The following SLC4A8 variants were observed in gnomAD, a reference collection of about 807,000 sequenced individuals.
SLC4A8 encodes the protein solute carrier family 4 member 8.
In SLC4A8, 40 loss-of-function variants were observed where a neutral mutation model predicts 125.0. That is an observed-to-expected ratio of 0.32 (90% CI 0.25 to 0.42). The LOEUF is 0.42. SLC4A8 is among the 10% of genes least tolerant of loss of function. The pLI is 1.00. For missense variants in SLC4A8, 863 were observed against 1,355.1 expected (o/e 0.64, Z 5.70); for synonymous variants, 456 against 476.0 (o/e 0.96, Z 0.55).
intron 3 of SLC4A8, among the ~76,000 whole-genome samples, chr12:51,451,872 C>A (rs1340292381): frequency 2.6e-5 from 4 of 151,822 alleles, no homozygotes; most frequent in Non-Finnish European, 5.9e-5. Context: ...AGAGAATTAG[C>A]CAATCTTTTT....
At chr12:51,504,230 A>C in intron 23 of SLC4A8, 110 bp downstream of exon 23, 1 of 701,454 alleles carries the variant, frequency 1.4e-6, no homozygotes. Flanking sequence ...AGAGCTAAAT[A>C]TTCAGCCTCC....
chr12:51,463,415 G>A lies in SLC4A8; in HGVS notation c.1249-199G>A, dbSNP rs1489903291. ...AACAGGAAGAGAAATTATGGGGTGT[G>A]TGTGTGTGTGTGTGTGTGTGTGTGT... On this transcript the variant is annotated intron_variant, in intron 10 of 24. Transcript: ENST00000453097. Among the ~76,000 whole-genome samples the A allele has an allele frequency of 1.3e-4, 8 of 60,404 alleles. No homozygotes were observed. The East Asian group carries it at 2.9e-3, about 22-fold the overall frequency. The allele number at this position is 60,404 out of a possible 152,430, so 39.6% of individuals were successfully genotyped here. A position where few individuals can be genotyped will look rare whatever the true frequency, so the allele number is the denominator to read the frequency against.
chr12:51,428,217 T>G (rs1227688737), intron 1 of SLC4A8, among the ~76,000 whole-genome samples: 1 of 152,200 alleles, frequency 6.6e-6, no homozygotes, highest in African/African-American at 2.4e-5. Context: ...GTCACTCTCT[T>G]TAAGATGGTC....
chr12:51,484,090 C>T (rs1165792972), intron 16 of SLC4A8, among the ~76,000 whole-genome samples: 6 of 152,108 alleles, frequency 3.9e-5, no homozygotes, highest in Non-Finnish European at 1.5e-5. Context: ...ATCAGCCAGG[C>T]ACATTTTCAA....
At chr12:51,457,687 A>G in intron 6 of SLC4A8, 148 bp downstream of exon 6, 1 of 704,790 alleles carries the variant, frequency 1.4e-6, no homozygotes, top group South Asian at 1.9e-5. Context: ...GACTGGTAAG[A>G]TTGGTGGCTG....
At chr12:51,439,987 T>G (rs1592185848) in intron 1 of SLC4A8, among the ~76,000 whole-genome samples, 1 of 152,276 alleles carries the variant, frequency 6.6e-6, no homozygotes, top group South Asian at 2.1e-4. Flanking sequence ...TTGTAAGTCT[T>G]AAGTGAGGAA....
At position 51,452,134 on chromosome 12, in the gene SLC4A8, T is replaced by G. The variant is rs1430790697; in HGVS notation, c.288T>G (p.Ser96=). The G allele has an allele frequency of 6.2e-7, 1 of 1,614,162 alleles. No homozygotes were observed. ...GLEALAHDTP[S]QRVQFILGTE... ...TGGTTGATTTCCTAGACACACCATCTCAGCGTGTTCAGTTCATTCTTGGCA... is the reference window on the plus strand; with the variant it reads ...TGGTTGATTTCCTAGACACACCATCGCAGCGTGTTCAGTTCATTCTTGGCA... The change falls in exon 4 of 25, where the codon TCT becomes TCG. Residue 96 remains serine (S), a synonymous_variant. Transcript: ENST00000453097.
At chr12:51,415,985 C>A (rs1948677610) in intron 1 of SLC4A8, among the ~76,000 whole-genome samples, 1 of 151,822 alleles carries the variant, frequency 6.6e-6, no homozygotes, top group Non-Finnish European at 1.5e-5. Context: ...ATCACTATTA[C>A]CAAAAGGTAA....
chr12:51,406,234 C>CA (rs1948485199), intron 1 of SLC4A8, among the ~76,000 whole-genome samples: 1 of 152,162 alleles, frequency 6.6e-6, no homozygotes, highest in South Asian at 2.1e-4. Context: ...TGAGGGAGAT[C>CA]ACCAACTGCA....
intron 16 of SLC4A8, among the ~76,000 whole-genome samples, chr12:51,478,975 CT>C: frequency 6.6e-6 from 1 of 152,340 alleles, no homozygotes; most frequent in African/African-American, 2.4e-5. Flanking sequence ...CACCTGCCAT[CT>C]CTTTCCAATT....
rs564732918 is a variant in SLC4A8 at position 51,475,279 on chromosome 12, T to C, written c.2172+73T>C. 2.5e-5 allele frequency: 37 copies of C among 1,472,162 alleles called. No individual in the cohort carries two copies. In the East Asian group the frequency reaches 5.4e-4, roughly 22 times the overall value. The allele number at this position is 1,472,162 out of a possible 1,614,324, so 91.2% of individuals were successfully genotyped here. On this transcript the variant is annotated intron_variant, in intron 16 of 24. Coordinates refer to ENST00000453097, the MANE Select transcript of SLC4A8 (RefSeq NM_001039960.3). ...CAGAACCTTTTCTCAGCCTTCATGC[T>C]GCTTATGGGGTTGATTGGCCAGGTG... is the stretch of plus-strand genomic sequence containing the variant.
At chr12:51,432,999 C>T (rs1451591247) in intron 1 of SLC4A8, among the ~76,000 whole-genome samples, 1 of 152,148 alleles carries the variant, frequency 6.6e-6, no homozygotes, top group Non-Finnish European at 1.5e-5. Context: ...CAGAGAGGAG[C>T]CTCAGGGGAA....
chr12:51,442,063 A>G (rs1393233457), intron 2 of SLC4A8, among the ~76,000 whole-genome samples: 1 of 152,176 alleles, frequency 6.6e-6, no homozygotes, highest in African/African-American at 2.4e-5. Context: ...TGTCCTTTTC[A>G]TCTTCATAGC....
Position 51,514,822 on chromosome 12 carries a change from A to G in SLC4A8, c.*7384A>G, listed in dbSNP as rs1938477867. 1 of 152,196 alleles carries G rather than the reference A, an allele frequency of 6.6e-6. No individual in the cohort carries two copies. The highest frequency in any genetic ancestry group is 6.5e-5 in the Admixed American group (1 of 15,282). The allele number at this position is 152,196 out of a possible 1,614,324, so 9.4% of individuals were successfully genotyped here. A position where few individuals can be genotyped will look rare whatever the true frequency, so the allele number is the denominator to read the frequency against. ...TAACCAAAAGAGATGTAAAGGAAGT[A>G]TATTACTGCTTGAAGTGTGAAAAGA... is the stretch of plus-strand genomic sequence containing the variant. On this transcript the variant is annotated 3_prime_UTR_variant, in exon 25 of 25. Coordinates refer to ENST00000453097, the MANE Select transcript of SLC4A8 (RefSeq NM_001039960.3).
chr12:51,463,415 GT>G (rs1950410093), intron 10 of SLC4A8, among the ~76,000 whole-genome samples, 198 bp from the exon 11 acceptor site: 1 of 60,352 alleles, frequency 1.7e-5, no homozygotes, highest in Non-Finnish European at 3.6e-5. Flanking sequence ...TATGGGGTGT[GT>G]GTGTGTGTGT....
chr12:51,496,408 GC>G (rs1355113424), intron 21 of SLC4A8, among the ~76,000 whole-genome samples: 3 of 152,206 alleles, frequency 2.0e-5, no homozygotes, highest in Non-Finnish European at 4.4e-5. Flanking sequence ...GGGGAAATCA[GC>G]TGTCAGATTT....
intron 22 of SLC4A8, among the ~76,000 whole-genome samples, chr12:51,501,465 T>C (rs1937880469): frequency 6.6e-6 from 1 of 152,244 alleles, no homozygotes; most frequent in Non-Finnish European, 1.5e-5. Flanking sequence ...GCTGCATCCA[T>C]GTTGCTGCAA....
At chr12:51,474,297 T>A in intron 14 of SLC4A8, 45 bp from the exon 15 acceptor site, 1 of 1,233,552 alleles carries the variant, frequency 8.1e-7, no homozygotes, top group South Asian at 1.3e-5. Context: ...TTTAACTGAG[T>A]ATTTGGCTGT....
At chr12:51,458,841 A>G (rs774333548) in intron 7 of SLC4A8, among the ~76,000 whole-genome samples, 191 bp downstream of exon 7, 7 of 152,176 alleles carry the variant, frequency 4.6e-5, no homozygotes, top group Non-Finnish European at 8.8e-5. Flanking sequence ...GATGAAGCTG[A>G]CTCAACAGTT....
Sources: allele counts gnomAD v4.1 joint callset (sites outside exome capture counted in the v4.1 genomes callset), GRCh38; gene constraint gnomAD v4.1.1; transcripts MANE v1.5; gene names NCBI Gene and HGNC (gene_info 2026-07-23, HGNC 2026-07-21).